The following SDK1 variants were observed in gnomAD, a reference collection of about 807,000 sequenced individuals.
SDK1 encodes sidekick cell adhesion molecule 1, also known as protein sidekick-1.
A neutral mutation model predicts 245.5 loss-of-function variants in SDK1; 157 were observed. The observed-to-expected ratio is 0.64, with a 90% confidence interval of 0.56 to 0.73. SDK1 has a LOEUF of 0.73. Among genes scored for constraint, SDK1 ranks in the 30% least tolerant of loss-of-function variants. The pLI is 0.00. For synonymous variants in SDK1, 1,647 were observed against 1,278.5 expected (o/e 1.29, Z -6.15); for missense variants, 3,583 against 3,002.3 (o/e 1.19, Z -4.52).
At chr7:3,563,191 G>A (rs1054729638) in intron 1 of SDK1, among the ~76,000 whole-genome samples, 22 of 152,080 alleles carry the variant, frequency 1.4e-4, no homozygotes, top group Non-Finnish European at 2.4e-4. Flanking sequence ...AAATAGGAAA[G>A]GGGAAGTGGG....
At chr7:3,995,487 T>C (rs1034593291) in intron 14 of SDK1, among the ~76,000 whole-genome samples, 3 of 151,712 alleles carry the variant, frequency 2.0e-5, no homozygotes, top group Admixed American at 6.6e-5. Flanking sequence ...CCCCAACACC[T>C]CCCTCCTGAG....
intron 4 of SDK1, among the ~76,000 whole-genome samples, chr7:3,783,165 T>TC (rs1780797682): frequency 6.6e-6 from 1 of 152,196 alleles, no homozygotes; most frequent in African/African-American, 2.4e-5. Flanking sequence ...TGACAAAAAT[T>TC]CATCTTTTTA....
intron 14 of SDK1, among the ~76,000 whole-genome samples, chr7:3,999,269 G>A (rs972922875): frequency 6.6e-6 from 1 of 152,102 alleles, no homozygotes; most frequent in African/African-American, 2.4e-5. Context: ...GTCAGTTCAC[G>A]CAAGTCTGCA....
chr7:3,513,084 AT>A (rs1782632285), intron 1 of SDK1, among the ~76,000 whole-genome samples: 1 of 152,176 alleles, frequency 6.6e-6, no homozygotes, highest in Admixed American at 6.5e-5. Context: ...GTCTTTAAAC[AT>A]ATTATGAGAT....
At chr7:3,362,133 GCTGTGATAAATAACTCTTA>G (rs1395339473) in intron 1 of SDK1, among the ~76,000 whole-genome samples, 1 of 152,186 alleles carries the variant, frequency 6.6e-6, no homozygotes, top group African/African-American at 2.4e-5. Flanking sequence ...TGAGGACTGT[GCTGTGATAAATAACTCTTA>G]CTGTAGAATC....
intron 13 of SDK1, among the ~76,000 whole-genome samples, chr7:3,978,097 T>G (rs1583704697): frequency 6.6e-6 from 1 of 152,256 alleles, no homozygotes; most frequent in Admixed American, 6.5e-5. Context: ...GATTTTTTTT[T>G]TTTCATTTTG....
chr7:3,355,579 T>G (rs1478857866), intron 1 of SDK1, among the ~76,000 whole-genome samples: 1 of 152,210 alleles, frequency 6.6e-6, no homozygotes, highest in African/African-American at 2.4e-5. Context: ...TTCCCCATTC[T>G]TCTCAATCCC....
chr7:3,491,983 C>G (rs1781876430), intron 1 of SDK1, among the ~76,000 whole-genome samples: 1 of 152,146 alleles, frequency 6.6e-6, no homozygotes, highest in Non-Finnish European at 1.5e-5. Context: ...AATCGTCTAT[C>G]CATATGGAAC....
rs948023364 is a variant in SDK1, at chr7:4,174,313, C to G, written c.4892C>G (p.Ala1631Gly). 6.2e-7 allele frequency: 1 copy of G among 1,613,870 alleles called. No individual in the cohort carries two copies. Among genetic ancestry groups the G allele is most frequent in the Non-Finnish European group, 8.5e-7 (1 of 1,179,790 alleles). ...LEYEAGSGTE[A>G]KTLKNPIALH... ...TATGAAGCCGGGTCAGGCACTGAGGCCAAGACGCTCAAAAACCCTATAGCT... is the reference window on the plus strand; with the variant it reads ...TATGAAGCCGGGTCAGGCACTGAGGGCAAGACGCTCAAAAACCCTATAGCT... The change falls in exon 33 of 45, where the codon GCC (alanine) becomes GGC (glycine). Residue 1631 changes from alanine to glycine, a missense_variant. Coordinates refer to ENST00000404826, the MANE Select transcript of SDK1 (RefSeq NM_152744.4).
chr7:4,098,329 C>G (rs1293763412), intron 22 of SDK1, among the ~76,000 whole-genome samples: 1 of 152,182 alleles, frequency 6.6e-6, no homozygotes, highest in African/African-American at 2.4e-5. Flanking sequence ...TCACAACCGT[C>G]AAACCAAATT....
intron 1 of SDK1, among the ~76,000 whole-genome samples, chr7:3,597,997 A>G (rs1467515820): frequency 6.6e-6 from 1 of 152,142 alleles, no homozygotes; most frequent in African/African-American, 2.4e-5. Context: ...ATTTAATTTT[A>G]TGATAAATTG....
At chr7:3,321,118 G>T (rs568900918) in intron 1 of SDK1, among the ~76,000 whole-genome samples, 9 of 152,244 alleles carry the variant, frequency 5.9e-5, no homozygotes, top group African/African-American at 2.2e-4. Context: ...CTCTTGAAAT[G>T]AAAACTACTA....
chr7:3,913,450 C>T (rs1416954155), intron 5 of SDK1, among the ~76,000 whole-genome samples: 1 of 152,072 alleles, frequency 6.6e-6, no homozygotes. Flanking sequence ...CTCGCCACAA[C>T]GCCCAGCTAA....
At chr7:3,422,763 C>G (rs145993973) in intron 1 of SDK1, among the ~76,000 whole-genome samples, 1 of 152,232 alleles carries the variant, frequency 6.6e-6, no homozygotes, top group South Asian at 2.1e-4. Context: ...AGCAGGAGTA[C>G]TTAGGATGTG....
intron 8 of SDK1, among the ~76,000 whole-genome samples, chr7:3,960,738 G>C (rs571135108): frequency 6.6e-6 from 1 of 152,116 alleles, no homozygotes; most frequent in African/African-American, 2.4e-5. Context: ...CTACTGATTC[G>C]GCATAGGGGA....
intron 17 of SDK1, among the ~76,000 whole-genome samples, chr7:4,025,591 A>G (rs1284848059): frequency 1.3e-5 from 2 of 152,226 alleles, no homozygotes; most frequent in Non-Finnish European, 2.9e-5. Flanking sequence ...CTTTCCTGCT[A>G]GCCTAGGAAC....
intron 35 of SDK1, among the ~76,000 whole-genome samples, chr7:4,197,316 A>AAAAAGGAAAG (rs1554257982): frequency 1.3e-5 from 2 of 150,058 alleles, no homozygotes; most frequent in Non-Finnish European, 3.0e-5. Flanking sequence ...AAAGAAAAAG[A>AAAAAGGAAAG]AAAGAAAGAA....
intron 13 of SDK1, among the ~76,000 whole-genome samples, chr7:3,978,542 C>T (rs1484555650): frequency 1.3e-5 from 2 of 152,152 alleles, no homozygotes; most frequent in Admixed American, 1.3e-4. Context: ...GTTAGTGTCA[C>T]GAAGGCTCCT....
chr7:3,742,941 GAGACTGGTTTTCTACC>G (rs1341749538), intron 4 of SDK1, among the ~76,000 whole-genome samples: 1 of 152,198 alleles, frequency 6.6e-6, no homozygotes, highest in Non-Finnish European at 1.5e-5. Flanking sequence ...GTCATCAGTG[GAGACTGGTTTTCTACC>G]AGATGAATGA....
Sources: gnomAD v4.1 joint callset for allele counts (sites outside exome capture counted in the v4.1 genomes callset) on GRCh38, gnomAD v4.1.1 for gene constraint, MANE v1.5 for transcripts, NCBI Gene and HGNC (gene_info 2026-07-23, HGNC 2026-07-21) for gene names.